Variants in CAMK2D observed in about 807,000 individuals in gnomAD.
CAMK2D encodes the protein calcium/calmodulin dependent protein kinase II delta, also known as calcium/calmodulin-dependent protein kinase type II subunit delta.
In CAMK2D, 37 loss-of-function variants were observed where a neutral mutation model predicts 84.0. That is an observed-to-expected ratio of 0.44 (90% CI 0.34 to 0.58). The LOEUF (loss-of-function observed/expected upper bound fraction) is 0.58. Among genes scored for constraint, CAMK2D ranks in the 20% least tolerant of loss-of-function variants. The pLI, the probability that CAMK2D is intolerant of heterozygous loss-of-function variation, is 0.02. For missense variants in CAMK2D, 448 were observed against 652.5 expected (o/e 0.69, Z 3.41); for synonymous variants, 202 against 212.5 (o/e 0.95, Z 0.43).
rs1376197963 is a variant in CAMK2D, at chr4:113,504,894, T to C, written c.1044+82A>G. Reference sequence around the variant, plus strand: ...TAAAATATTTATATATATGTATCTATATAGTGAAAGCAAATGAGAGAAACC... The same window carrying C: ...TAAAATATTTATATATATGTATCTACATAGTGAAAGCAAATGAGAGAAACC... On this transcript the variant is annotated intron_variant, in intron 14 of 20. Transcript: ENST00000511664. The C allele has an allele frequency of 1.1e-5, 6 of 558,576 alleles. No individual in the cohort carries two copies. In the East Asian group the frequency reaches 1.3e-4, roughly 12 times the overall value. The allele number at this position is 558,576 out of a possible 1,614,324, so 34.6% of individuals were successfully genotyped here.
intron 16 of CAMK2D, among the ~76,000 whole-genome samples, chr4:113,470,381 C>T (rs947206042): frequency 6.6e-6 from 1 of 152,156 alleles, no homozygotes; most frequent in African/African-American, 2.4e-5. Flanking sequence ...CGCGGTGGCT[C>T]ATGCCTGTAA....
intron 2 of CAMK2D, among the ~76,000 whole-genome samples, chr4:113,755,653 C>T (rs2099626969): frequency 6.7e-6 from 1 of 148,610 alleles, no homozygotes; most frequent in South Asian, 2.1e-4. Context: ...AAATTATCTG[C>T]CATCAGAACC....
intron 2 of CAMK2D, among the ~76,000 whole-genome samples, chr4:113,686,859 T>TAC (rs1240113525): frequency 1.6e-5 from 2 of 126,456 alleles, no homozygotes; most frequent in African/African-American, 6.1e-5. Context: ...CAGGTATGTG[T>TAC]ATACACACAC....
chr4:113,455,059 T>C (rs889016738), intron 20 of CAMK2D, among the ~76,000 whole-genome samples: 1 of 152,210 alleles, frequency 6.6e-6, no homozygotes, highest in Non-Finnish European at 1.5e-5. Context: ...AAAGCTCTGA[T>C]AAGGTTTAGT....
At chr4:113,713,016 C>T (rs1438794511) in intron 2 of CAMK2D, among the ~76,000 whole-genome samples, 3 of 152,022 alleles carry the variant, frequency 2.0e-5, no homozygotes, top group African/African-American at 7.2e-5. Context: ...ATTACTCACT[C>T]TAATTTCCAG....
intron 12 of CAMK2D, among the ~76,000 whole-genome samples, chr4:113,510,028 GA>G (rs2098189441): frequency 6.6e-6 from 1 of 152,154 alleles, no homozygotes; most frequent in African/African-American, 2.4e-5. Flanking sequence ...TCAGTCTTTG[GA>G]CATCAGCTGA....
At chr4:113,717,607 T>C (rs979000451) in intron 2 of CAMK2D, among the ~76,000 whole-genome samples, 6 of 152,140 alleles carry the variant, frequency 3.9e-5, no homozygotes, top group Admixed American at 2.6e-4. Flanking sequence ...TTTTTGTGAA[T>C]ACCACTTGAA....
chr4:113,603,202 ATT>A (rs1250993255), intron 4 of CAMK2D, among the ~76,000 whole-genome samples: 2 of 149,416 alleles, frequency 1.3e-5, no homozygotes, highest in East Asian at 1.9e-4. Flanking sequence ...ACTTTGCGTT[ATT>A]TTATTTTATT....
intron 2 of CAMK2D, among the ~76,000 whole-genome samples, chr4:113,712,501 G>C (rs1292280224): frequency 6.6e-6 from 1 of 151,992 alleles, no homozygotes; most frequent in Non-Finnish European, 1.5e-5. Flanking sequence ...ATCAGCAAAA[G>C]CTATATACCA....
chr4:113,636,838 T>C (rs1047631948), intron 3 of CAMK2D, among the ~76,000 whole-genome samples: 2 of 152,182 alleles, frequency 1.3e-5, no homozygotes, highest in Non-Finnish European at 2.9e-5. Context: ...AACATATGAA[T>C]TGGGGAGGTG....
At chr4:113,738,966 T>C (rs1213589202) in intron 2 of CAMK2D, among the ~76,000 whole-genome samples, 1 of 152,148 alleles carries the variant, frequency 6.6e-6, no homozygotes, top group African/African-American at 2.4e-5. Context: ...TAAAAATAAA[T>C]ATTAACTGTG....
intron 6 of CAMK2D, 91 bp downstream of exon 6, chr4:113,547,553 T>C (rs1378507031): frequency 1.5e-6 from 1 of 677,006 alleles, no homozygotes; most frequent in East Asian, 3.0e-5. Flanking sequence ...ACAACTTTAT[T>C]GCTCATATTT....
intron 2 of CAMK2D, among the ~76,000 whole-genome samples, chr4:113,746,788 A>G (rs2099605047): frequency 1.3e-5 from 2 of 151,818 alleles, no homozygotes; most frequent in South Asian, 4.2e-4. Flanking sequence ...AAATCAGGAG[A>G]TCTACATTTA....
intron 4 of CAMK2D, among the ~76,000 whole-genome samples, chr4:113,582,113 C>T (rs2154242648): frequency 6.6e-6 from 1 of 152,204 alleles, no homozygotes; most frequent in Admixed American, 6.5e-5. Context: ...CGCAAATCTC[C>T]AAGACTTTAG....
At chr4:113,527,756 T>C (rs1294385772) in intron 8 of CAMK2D, among the ~76,000 whole-genome samples, 1 of 152,140 alleles carries the variant, frequency 6.6e-6, no homozygotes, top group East Asian at 1.9e-4. Flanking sequence ...AAATTCTTAA[T>C]TTTTTTGGAT....
intron 16 of CAMK2D, among the ~76,000 whole-genome samples, chr4:113,476,215 C>G (rs571713265): frequency 6.6e-6 from 1 of 152,210 alleles, no homozygotes; most frequent in Non-Finnish European, 1.5e-5. Flanking sequence ...GTAGCTTTCT[C>G]AGATGTCAGA....
At chr4:113,740,324 A>G (rs1385352135) in intron 2 of CAMK2D, among the ~76,000 whole-genome samples, 2 of 152,154 alleles carry the variant, frequency 1.3e-5, no homozygotes, top group African/African-American at 4.8e-5. Flanking sequence ...TTATTTAACA[A>G]TAAAACATGC....
rs1394582936 is a variant in CAMK2D at position 113,603,787 on chromosome 4, A to ATG, written c.275+5364_275+5365insCA. The stretch of plus-strand genomic sequence containing the variant: ...TTCTTGCTATTTTATATATATATAT[A>ATG]TATATATATATATATTTAAAACAGT... On this transcript the variant is annotated intron_variant, in intron 4 of 20. Coordinates refer to ENST00000511664, the MANE Select transcript of CAMK2D (RefSeq NM_001321571.2). Among the ~76,000 whole-genome samples the ATG allele has an allele frequency of 1.0e-4, 15 of 143,576 alleles. No individual in the cohort carries two copies. In the East Asian group the frequency reaches 2.2e-3, roughly 21 times the overall value. The allele number at this position is 143,576 out of a possible 152,430, so 94.2% of individuals were successfully genotyped here.
intron 2 of CAMK2D, among the ~76,000 whole-genome samples, chr4:113,735,288 G>GAAA (rs2099578330): frequency 1.7e-5 from 1 of 58,958 alleles, no homozygotes; most frequent in African/African-American, 5.8e-5. Context: ...CATCTCTACA[G>GAAA]GAAAAAAAAA....
Sources: gnomAD v4.1 joint callset for allele counts (sites outside exome capture counted in the v4.1 genomes callset) on GRCh38, gnomAD v4.1.1 for gene constraint, MANE v1.5 for transcripts, NCBI Gene and HGNC (gene_info 2026-07-23, HGNC 2026-07-21) for gene names.